Variants in SPTB observed in about 807,000 individuals in gnomAD.
SPTB encodes spectrin beta chain, erythrocytic.
A neutral mutation model predicts 256.2 loss-of-function variants in SPTB; 45 were observed. The ratio of observed to expected loss-of-function variants is 0.18; its 90% CI spans 0.14 to 0.23. SPTB has a LOEUF of 0.23. Ranked by LOEUF, SPTB falls within the 10% of genes least tolerant of loss-of-function variation. SPTB has a pLI of 1.00. For missense variants in SPTB, 2,715 were observed against 3,040.4 expected (o/e 0.89, Z 2.52); for synonymous variants, 1,231 against 1,243.1 (o/e 0.99, Z 0.21).
At chr14:64,836,523 G>A (rs2083525385) in intron 1 of SPTB, among the ~76,000 whole-genome samples, 2 of 152,128 alleles carry the variant, frequency 1.3e-5, no homozygotes, top group South Asian at 2.1e-4. Flanking sequence ...AAAGGGTACG[G>A]TCGGTGGGGT....
chr14:64,787,698 G>A (rs2082598676), intron 15 of SPTB, among the ~76,000 whole-genome samples: 1 of 152,232 alleles, frequency 6.6e-6, no homozygotes, highest in Admixed American at 6.5e-5. Flanking sequence ...AGAAGAGAAT[G>A]GGGAGGAATA....
intron 32 of SPTB, chr14:64,756,756 C>T (rs1414810077): frequency 3.3e-5 from 5 of 152,232 alleles, no homozygotes; most frequent in Non-Finnish European, 7.3e-5. Flanking sequence ...CCAAAATGGA[C>T]AGACCTGAGC....
chr14:64,804,734 G>A (rs1185328097), intron 3 of SPTB, among the ~76,000 whole-genome samples: 3 of 152,324 alleles, frequency 2.0e-5, no homozygotes, highest in East Asian at 3.9e-4. Context: ...AGGGGTGGGA[G>A]TGGTCAGAGG....
rs914797609 is a variant in SPTB at position 64,746,992 on chromosome 14, T to C, written c.*2314A>G. The C allele has an allele frequency of 3.3e-5, 5 of 152,490 alleles. No homozygotes were observed. Among genetic ancestry groups the C allele is most frequent in the Non-Finnish European group, 7.3e-5 (5 of 68,094 alleles). The allele number at this position is 152,490 out of a possible 1,614,324, so 9.4% of individuals were successfully genotyped here. A position where few individuals can be genotyped will look rare whatever the true frequency, so the allele number is the denominator to read the frequency against. On this transcript the variant is annotated 3_prime_UTR_variant, in exon 36 of 36. Transcript: ENST00000644917. This position sits in a 1 kb window ranked among gnomAD's most constrained non-coding sequence, Gnocchi z 4.9. ...CTGGATGCCTGCATTTTCAGTCTAG[T>C]TGGTCGAATGTCTTGGAGCCTGGGT... is the stretch of plus-strand genomic sequence containing the variant.
At chr14:64,804,866 A>G in intron 3 of SPTB, 73 bp downstream of exon 3, 1 of 1,596,214 alleles carries the variant, frequency 6.3e-7, no homozygotes, top group Non-Finnish European at 8.6e-7. Flanking sequence ...AGAACTTGAG[A>G]TGCCCCCAAA....
At chr14:64,781,409 G>A (rs1202124672) in intron 20 of SPTB, among the ~76,000 whole-genome samples, 1 of 152,094 alleles carries the variant, frequency 6.6e-6, no homozygotes, top group African/African-American at 2.4e-5. Context: ...GTGGGCAAAG[G>A]ACATGAACAG....
At position 64,749,607 on chromosome 14, in the gene SPTB, A is replaced by C. The variant is rs756929386; in HGVS notation, c.6819+47T>G. On this transcript the variant is annotated intron_variant, in intron 35 of 35. Transcript: ENST00000644917. The surrounding 1 kb of genome is among the most constrained non-coding windows in gnomAD (Gnocchi z 4.7). ...CAGGGCAAGCGGCCTGGGGTCCTCC[A>C]CCTACCCCCTTCTTAGCCAGGTCTG... The C allele has an allele frequency of 1.9e-5, 30 of 1,611,938 alleles. No homozygotes were observed. The highest frequency in any genetic ancestry group is 2.5e-5 in the Non-Finnish European group (29 of 1,179,684).
intron 20 of SPTB, among the ~76,000 whole-genome samples, chr14:64,781,740 T>C (rs1341396856): frequency 6.6e-6 from 1 of 152,208 alleles, no homozygotes; most frequent in Non-Finnish European, 1.5e-5. Context: ...TATAAAACAT[T>C]CTACCATAAA....
chr14:64,769,576 T>C lies in SPTB; in HGVS notation c.5937+14A>G. 1 of 1,613,644 alleles carries C rather than the reference T, an allele frequency of 6.2e-7. No homozygotes were observed. Among genetic ancestry groups the C allele is most frequent in the Non-Finnish European group, 8.5e-7 (1 of 1,179,982 alleles). On this transcript the variant is annotated intron_variant, in intron 28 of 35. Coordinates refer to ENST00000644917, the MANE Select transcript of SPTB (RefSeq NM_001355436.2). ...AGACGGAGGAGCTCGCCTCCATCCT[T>C]GCAGTCCCCTCACCTCCTCTGAGGC... is the stretch of plus-strand genomic sequence containing the variant.
intron 22 of SPTB, among the ~76,000 whole-genome samples, chr14:64,776,923 G>T (rs1027547818): frequency 2.0e-5 from 3 of 152,192 alleles, no homozygotes; most frequent in African/African-American, 7.2e-5. Flanking sequence ...GAAAATCCCT[G>T]CACTTTAAAG....
chr14:64,773,513 C>A (rs2082310797), intron 24 of SPTB, 89 bp from the exon 25 acceptor site: 1 of 1,369,016 alleles, frequency 7.3e-7, no homozygotes, highest in Non-Finnish European at 1.0e-6. Context: ...CCAACCACAG[C>A]CCCCTGGCAG....
intron 32 of SPTB, chr14:64,757,653 G>C (rs2082034671): frequency 6.6e-6 from 1 of 152,404 alleles, no homozygotes; most frequent in South Asian, 2.1e-4. Context: ...TGGGAGGGGG[G>C]AGCGGACACA....
Position 64,767,719 on chromosome 14 carries a change from C to T in SPTB, c.6163G>A (p.Glu2055Lys). Residue 2055 changes from glutamate to lysine, a missense_variant, in exon 30 of 36, where the codon GAG (glutamate) becomes AAG (lysine). Glu to Lys is a moderately conservative substitution (Grantham distance 56). Coordinates refer to ENST00000644917, the MANE Select transcript of SPTB (RefSeq NM_001355436.2). ...EKLIKRHEAF[E>K]KSTASWAERF... is the part of the protein sequence containing the mutation. ...TCTGCCCAGCTGGCCGTGGACTTCT[C>T]AAAAGCCTCATGCCTCTTGATGAGC... 6.2e-7 allele frequency: 1 copy of T among 1,614,232 alleles called. No individual in the cohort carries two copies. The highest frequency in any genetic ancestry group is 8.5e-7 in the Non-Finnish European group (1 of 1,180,054).
intron 1 of SPTB, among the ~76,000 whole-genome samples, chr14:64,834,353 C>T (rs1445227005): frequency 6.6e-6 from 1 of 151,612 alleles, no homozygotes; most frequent in Non-Finnish European, 1.5e-5. Context: ...ACCACCTCTT[C>T]CTCTCCTGCT....
chr14:64,774,331 G>A (rs985162870), intron 24 of SPTB, 66 bp downstream of exon 24: 5 of 1,530,618 alleles, frequency 3.3e-6, no homozygotes, highest in East Asian at 2.4e-5. Context: ...CTGAAGGGAC[G>A]TTGGCTGGTG....
rs935977020 is a variant in SPTB, at chr14:64,796,431, G to T, written c.1341+126C>A. 69 of 1,241,278 alleles carry T rather than the reference G, an allele frequency of 5.6e-5. No individual in the cohort carries two copies. Among genetic ancestry groups the T allele is most frequent in the Non-Finnish European group, 7.8e-5 (67 of 855,624 alleles). The allele number at this position is 1,241,278 out of a possible 1,614,324, so 76.9% of individuals were successfully genotyped here. A position where few individuals can be genotyped will look rare whatever the true frequency, so the allele number is the denominator to read the frequency against. ...TGCAAATCTTGATCCACTGGATCAC[G>T]GGGGAGCTGTGCTGCAAGGCACGAG... On this transcript the variant is annotated intron_variant, in intron 11 of 35. Coordinates refer to ENST00000644917, the MANE Select transcript of SPTB (RefSeq NM_001355436.2). This position sits in a 1 kb window ranked among gnomAD's most constrained non-coding sequence, Gnocchi z 4.1.
chr14:64,749,320 G>C lies in SPTB; in HGVS notation c.6973C>G (p.Pro2325Ala). The part of the protein sequence containing the change: ...KDKEKRFSFF[P>A]KKK ...AGCCCCACCTGCTACTTCTTTTTGG[G>C]GAAGAAGCTGAATCTCTTCTCCTTG... Residue 2325 changes from proline (P) to alanine (A), a missense_variant, in exon 36 of 36, where the codon CCC (proline) becomes GCC (alanine). Pro to Ala is a conservative substitution (Grantham distance 27). Transcript: ENST00000644917. This position sits in a 1 kb window ranked among gnomAD's most constrained non-coding sequence, Gnocchi z 4.7. The C allele has an allele frequency of 2.5e-6, 4 of 1,605,550 alleles. No individual in the cohort carries two copies. Among genetic ancestry groups the C allele is most frequent in the Non-Finnish European group, 3.4e-6 (4 of 1,177,570 alleles).
At position 64,775,583 on chromosome 14, in the gene SPTB, C is replaced by T. The variant is rs1016936106; in HGVS notation, c.4564-180G>A. ...TGCGGGCTGCTAAGCACCTCATGTG[C>T]ACCATTCTTGCACCCTCAGGTGGCC... On this transcript the variant is annotated intron_variant, in intron 22 of 35. Coordinates refer to ENST00000644917, the MANE Select transcript of SPTB (RefSeq NM_001355436.2). This position sits in a 1 kb window ranked among gnomAD's most constrained non-coding sequence, Gnocchi z 5.0. Among the ~76,000 whole-genome samples, 8 of 152,242 alleles carry T rather than the reference C, an allele frequency of 5.3e-5. No individual in the cohort carries two copies. The highest frequency in any genetic ancestry group is 1.9e-4 in the African/African-American group (8 of 41,458).
In SPTB at chr14:64,785,586, A is replaced by T. The variant is rs201313127; in HGVS notation, c.3806T>A (p.Leu1269Gln). 1.9e-6 allele frequency: 3 copies of T among 1,614,122 alleles called. No homozygotes were observed. The African/African-American group carries it at 4.0e-5, about 22-fold the overall frequency. The change falls in exon 18 of 36, where the codon CTA becomes CAA. Residue 1269 changes from leucine (L) to glutamine (Q), a missense_variant. Around this residue, in one of 4 missense-constraint regions of SPTB, gnomAD observed 2,239 missense variants for 2,384.4 expected, o/e 0.94. Transcript: ENST00000644917. The surrounding 1 kb of genome is among the most constrained non-coding windows in gnomAD (Gnocchi z 4.4). ...NNEKAQEASV[L>Q]LRDNLELQNF... ...CTGTAGCTCCAGGTTGTCTCTCAGT[A>T]GGACAGAGGCCTCCTGGGCCTTCTC...
Sources: allele counts gnomAD v4.1 joint callset (sites outside exome capture counted in the v4.1 genomes callset), GRCh38; gene constraint gnomAD v4.1.1; regional missense constraint gnomAD v4.1.1; non-coding constraint Gnocchi (gnomAD v3.1); transcripts MANE v1.5; gene names NCBI Gene and HGNC (gene_info 2026-07-23, HGNC 2026-07-21).